GRIN2A: variants seen among roughly 807,000 people sequenced by gnomAD.
GRIN2A encodes glutamate ionotropic receptor NMDA type subunit 2A, also known as glutamate receptor ionotropic, NMDA 2A.
GRIN2A carries 22 observed loss-of-function variants against 113.4 expected under a neutral mutation model. That is an observed-to-expected ratio of 0.19 (90% CI 0.14 to 0.28). The LOEUF (loss-of-function observed/expected upper bound fraction) is 0.28, where lower values mean the gene tolerates loss of function less well. Among genes scored for constraint, GRIN2A ranks in the 10% least tolerant of loss-of-function variants. The pLI, the probability that GRIN2A is intolerant of heterozygous loss-of-function variation, is 1.00. For missense variants in GRIN2A, 1,502 were observed against 1,887.0 expected (o/e 0.80, Z 3.78); for synonymous variants, 827 against 738.4 (o/e 1.12, Z -1.94).
At chr16:9,870,689 G>A (rs2043244526) in intron 4 of GRIN2A, among the ~76,000 whole-genome samples, 1 of 150,024 alleles carries the variant, frequency 6.7e-6, no homozygotes, top group African/African-American at 2.5e-5. Context: ...CCAAGGTGGA[G>A]TGCAGTGGCA....
intron 2 of GRIN2A, among the ~76,000 whole-genome samples, chr16:10,046,013 A>G (rs2047251293): frequency 6.6e-6 from 1 of 152,222 alleles, no homozygotes. Context: ...TGTGAACACC[A>G]AAAATATCGC....
intron 2 of GRIN2A, among the ~76,000 whole-genome samples, chr16:10,159,198 G>A (rs1341390280): frequency 1.3e-5 from 2 of 152,140 alleles, no homozygotes; most frequent in Admixed American, 6.5e-5. Flanking sequence ...ACATCAGGGA[G>A]CTCAATATAC....
intron 2 of GRIN2A, among the ~76,000 whole-genome samples, chr16:10,038,760 A>G (rs891777023): frequency 2.0e-5 from 3 of 151,806 alleles, no homozygotes; most frequent in Admixed American, 6.6e-5. Flanking sequence ...AGGCAGGACA[A>G]TCACGTGAAC....
At chr16:10,066,959 GGAC>G (rs2047660948) in intron 2 of GRIN2A, among the ~76,000 whole-genome samples, 1 of 152,114 alleles carries the variant, frequency 6.6e-6, no homozygotes, top group African/African-American at 2.4e-5. Flanking sequence ...CAAAAACAAA[GGAC>G]ATTCGGATAC....
chr16:9,940,212 A>G (rs1032821890), intron 2 of GRIN2A, among the ~76,000 whole-genome samples: 5 of 152,100 alleles, frequency 3.3e-5, no homozygotes, highest in Admixed American at 3.3e-4. Flanking sequence ...AATGGGCCAA[A>G]AGCTATAGTT....
intron 2 of GRIN2A, among the ~76,000 whole-genome samples, chr16:10,175,366 T>A (rs1435780801): frequency 6.6e-6 from 1 of 152,114 alleles, no homozygotes; most frequent in Non-Finnish European, 1.5e-5. Flanking sequence ...AAATCTTGAA[T>A]CCTCTAAGAA....
Position 9,927,793 on chromosome 16 carries a change from G to A in GRIN2A, c.1007+10166C>T, listed in dbSNP as rs143508514. ...CTCACCCTCACATACATAATGATGC[G>A]TTGATTAAATTAAATTGTTTAAACT... is the stretch of plus-strand genomic sequence containing the variant. On this transcript the variant is annotated intron_variant, in intron 3 of 12. Coordinates refer to ENST00000330684, the MANE Select transcript of GRIN2A (RefSeq NM_001134407.3). Among the ~76,000 whole-genome samples, 212 of 152,254 alleles carry A rather than the reference G, an allele frequency of 1.4e-3. 1 individual carries two copies. In the East Asian group the frequency reaches 0.016, roughly 11 times the overall value.
intron 2 of GRIN2A, among the ~76,000 whole-genome samples, chr16:9,965,041 T>C (rs2045524196): frequency 6.6e-6 from 1 of 152,186 alleles, no homozygotes; most frequent in Non-Finnish European, 1.5e-5. Flanking sequence ...CATGCAAATA[T>C]AAACCAAGTT....
intron 3 of GRIN2A, among the ~76,000 whole-genome samples, chr16:9,894,334 A>T (rs1487527312): frequency 6.6e-6 from 1 of 152,180 alleles, no homozygotes; most frequent in Non-Finnish European, 1.5e-5. Flanking sequence ...TAAGTAGAGG[A>T]GTGATATACT....
intron 2 of GRIN2A, among the ~76,000 whole-genome samples, chr16:9,993,483 G>GA (rs2046166148): frequency 6.6e-6 from 1 of 152,070 alleles, no homozygotes; most frequent in African/African-American, 2.4e-5. Context: ...TGTAGCCCAG[G>GA]AACTCAAGGC....
intron 11 of GRIN2A, among the ~76,000 whole-genome samples, chr16:9,783,845 T>C (rs780393356): frequency 3.3e-5 from 5 of 152,172 alleles, no homozygotes; most frequent in Non-Finnish European, 7.3e-5. Flanking sequence ...TGAAGACCAT[T>C]ATTCTCAGTA....
At chr16:10,016,240 G>A (rs1049812436) in intron 2 of GRIN2A, among the ~76,000 whole-genome samples, 4 of 152,078 alleles carry the variant, frequency 2.6e-5, no homozygotes, top group African/African-American at 7.2e-5. Context: ...TGGAGTGGGG[G>A]ACAGTCAGGA....
chr16:10,178,094 C>T (rs2050187204), intron 2 of GRIN2A, among the ~76,000 whole-genome samples: 1 of 152,182 alleles, frequency 6.6e-6, no homozygotes, highest in Non-Finnish European at 1.5e-5. Flanking sequence ...GTCTATCACT[C>T]CTTTAGAAAA....
At chr16:9,977,527 A>T (rs1289628551) in intron 2 of GRIN2A, among the ~76,000 whole-genome samples, 1 of 152,212 alleles carries the variant, frequency 6.6e-6, no homozygotes, top group East Asian at 1.9e-4. Context: ...TAGAAATGAA[A>T]GGAGAGTTCT....
At chr16:9,902,745 T>C (rs1386477461) in intron 3 of GRIN2A, among the ~76,000 whole-genome samples, 2 of 151,952 alleles carry the variant, frequency 1.3e-5, no homozygotes, top group African/African-American at 4.8e-5. Context: ...TCTCTCCTCA[T>C]CTTCCCCTAC....
intron 8 of GRIN2A, among the ~76,000 whole-genome samples, chr16:9,831,151 C>T (rs143981529): frequency 6.6e-6 from 1 of 152,154 alleles, no homozygotes; most frequent in African/African-American, 2.4e-5. Flanking sequence ...GAGCTGGAAA[C>T]AGAGAGCCTG....
chr16:9,978,284 G>C (rs1385505076), intron 2 of GRIN2A, among the ~76,000 whole-genome samples: 6 of 152,198 alleles, frequency 3.9e-5, no homozygotes, highest in Non-Finnish European at 8.8e-5. Context: ...GGCAAATGCA[G>C]TTACAGGGAC....
intron 4 of GRIN2A, among the ~76,000 whole-genome samples, chr16:9,868,323 G>A (rs2043196740): frequency 6.6e-6 from 1 of 152,144 alleles, no homozygotes; most frequent in Non-Finnish European, 1.5e-5. Context: ...GCTGGATGCA[G>A]TGGCACTATC....
chr16:9,868,645 C>T (rs1294941367), intron 4 of GRIN2A, among the ~76,000 whole-genome samples: 10 of 152,132 alleles, frequency 6.6e-5, no homozygotes, highest in Non-Finnish European at 1.0e-4. Context: ...TTCCCCACTG[C>T]AGCTGGAATC....
Sources: gnomAD v4.1 joint callset for allele counts (sites outside exome capture counted in the v4.1 genomes callset) on GRCh38, gnomAD v4.1.1 for gene constraint, MANE v1.5 for transcripts, NCBI Gene and HGNC (gene_info 2026-07-23, HGNC 2026-07-21) for gene names.